Variants in ZNF366 observed in about 807,000 individuals in gnomAD.
The protein encoded by ZNF366 is zinc finger protein 366.
A neutral mutation model predicts 47.2 loss-of-function variants in ZNF366; 20 were observed. That is an observed-to-expected ratio of 0.42 (90% CI 0.30 to 0.62). The LOEUF is 0.62. Among genes scored for constraint, ZNF366 ranks in the 20% least tolerant of loss-of-function variants. The pLI, the probability that ZNF366 is intolerant of heterozygous loss-of-function variation, is 0.16. For synonymous variants in ZNF366, 421 were observed against 395.1 expected (o/e 1.07, Z -0.78); for missense variants, 987 against 976.3 (o/e 1.01, Z -0.15).
At chr5:72,469,447 G>A (rs937601596) in intron 1 of ZNF366, among the ~76,000 whole-genome samples, 1 of 152,160 alleles carries the variant, frequency 6.6e-6, no homozygotes, top group Non-Finnish European at 1.5e-5. Flanking sequence ...TCTAGCAATA[G>A]CCAAGGTGAC....
intron 1 of ZNF366, among the ~76,000 whole-genome samples, chr5:72,504,908 T>C (rs943788407): frequency 6.6e-6 from 1 of 152,202 alleles, no homozygotes; most frequent in Non-Finnish European, 1.5e-5. Context: ...AGCAGTTAAG[T>C]ACCTGCCCCG....
Position 72,460,974 on chromosome 5 carries a change from G to C in ZNF366, c.523C>G (p.Pro175Ala). ...CCCGGGTGGACTTTGGGGTAGTAGGGGTAGGGCGTGGGCAGGAATGGAGTG... is the reference window on the plus strand; with the variant it reads ...CCCGGGTGGACTTTGGGGTAGTAGGCGTAGGGCGTGGGCAGGAATGGAGTG... ...TPTPFLPTPY[P>A]YYPKVHPGLM... The change falls in exon 2 of 5, where the codon CCC becomes GCC. Residue 175 changes from proline (P) to alanine (A), a missense_variant. Coordinates refer to ENST00000318442, the MANE Select transcript of ZNF366 (RefSeq NM_152625.3). The C allele has an allele frequency of 6.2e-7, 1 of 1,613,754 alleles. No homozygotes were observed. The highest frequency in any genetic ancestry group is 8.5e-7 in the Non-Finnish European group (1 of 1,179,842).
intron 3 of ZNF366, among the ~76,000 whole-genome samples, chr5:72,454,217 C>G (rs1743134813): frequency 6.6e-6 from 1 of 152,178 alleles, no homozygotes; most frequent in African/African-American, 2.4e-5. Context: ...GGACCATGTA[C>G]ATGCACCATC....
chr5:72,467,769 C>T (rs1480749339), intron 1 of ZNF366, among the ~76,000 whole-genome samples: 1 of 152,190 alleles, frequency 6.6e-6, no homozygotes, highest in Non-Finnish European at 1.5e-5. Flanking sequence ...TTACATTTTA[C>T]TCCTGGAGGC....
At chr5:72,484,495 A>AAATAATAATAATAATAATAATAAT (rs60726077) in intron 1 of ZNF366, among the ~76,000 whole-genome samples, 1 of 145,818 alleles carries the variant, frequency 6.9e-6, no homozygotes, top group African/African-American at 2.6e-5. Flanking sequence ...AAAAAAAAAA[A>AAATAATAATAATAATAATAATAAT]AATAATAATA....
chr5:72,499,135 C>T (rs572595487), intron 1 of ZNF366, among the ~76,000 whole-genome samples: 4 of 152,302 alleles, frequency 2.6e-5, no homozygotes, highest in Admixed American at 2.0e-4. Flanking sequence ...GTCTCTATTC[C>T]TTCACAAACA....
chr5:72,462,547 C>CTTTT (rs71614477), intron 1 of ZNF366, among the ~76,000 whole-genome samples: 7 of 78,914 alleles, frequency 8.9e-5, no homozygotes, highest in African/African-American at 1.8e-4. Context: ...TTCTTTCTTT[C>CTTTT]TTTTTTTTTT....
At chr5:72,489,512 T>C (rs1465117827) in intron 1 of ZNF366, among the ~76,000 whole-genome samples, 1 of 152,210 alleles carries the variant, frequency 6.6e-6, no homozygotes, top group Middle Eastern at 3.2e-3. Context: ...ATGTACCTAA[T>C]AGGTAATGTG....
Position 72,443,829 on chromosome 5 carries a change from T to C in ZNF366, c.2162A>G (p.Lys721Arg). The C allele has an allele frequency of 6.2e-7, 1 of 1,614,210 alleles. No homozygotes were observed. Among genetic ancestry groups the C allele is most frequent in the Non-Finnish European group, 8.5e-7 (1 of 1,180,038 alleles). Residue 721 changes from lysine to arginine, a missense_variant, in exon 5 of 5, where the codon AAG becomes AGG. Coordinates refer to ENST00000318442, the MANE Select transcript of ZNF366 (RefSeq NM_152625.3). ...TTCTTTCAAACTCTCATCTCTGTGC[T>C]TGAAGTATAAGTAATCAGAAAAAGA... is the stretch of plus-strand genomic sequence containing the variant. ...GPSFSDYLYF[K>R]HRDESLKELL...
chr5:72,499,533 G>A (rs989814438), intron 1 of ZNF366, among the ~76,000 whole-genome samples: 4 of 117,934 alleles, frequency 3.4e-5, no homozygotes, highest in African/African-American at 1.4e-4. Context: ...CACCAACCCC[G>A]CCTTTATAGA....
At chr5:72,492,873 C>T (rs995349409) in intron 1 of ZNF366, among the ~76,000 whole-genome samples, 1 of 152,202 alleles carries the variant, frequency 6.6e-6, no homozygotes, top group Admixed American at 6.5e-5. Context: ...AAAGCCTTTA[C>T]TTCACATCAG....
At chr5:72,505,987 A>C (rs1744312148) in intron 1 of ZNF366, among the ~76,000 whole-genome samples, 1 of 152,254 alleles carries the variant, frequency 6.6e-6, no homozygotes, top group African/African-American at 2.4e-5. Context: ...AATGGAACAA[A>C]AGCTACATCA....
Position 72,447,226 on chromosome 5 carries a change from C to T in ZNF366, c.1699+17G>A, listed in dbSNP as rs767093262. The T allele has an allele frequency of 1.2e-6, 2 of 1,613,398 alleles. No individual in the cohort carries two copies. The highest frequency in any genetic ancestry group is 1.7e-6 in the Non-Finnish European group (2 of 1,179,612). On this transcript the variant is annotated intron_variant, in intron 4 of 4. Transcript: ENST00000318442. ...TCCACTGGACTGACTTGCAGGGCTT[C>T]CCAGAAGAGTGATTACCTTGGGAAT...
chr5:72,443,127 G>C lies in ZNF366; in HGVS notation c.*629C>G, dbSNP rs376206993. The C allele has an allele frequency of 2.0e-5, 3 of 152,308 alleles. No homozygotes were observed. The highest frequency in any genetic ancestry group is 2.9e-5 in the Non-Finnish European group (2 of 68,058). 9.4% of individuals were successfully genotyped at this position (152,308 alleles called of 1,614,324 possible). On this transcript the variant is annotated 3_prime_UTR_variant, in exon 5 of 5. Transcript: ENST00000318442. ...AATGCTCAATCTGATGAAGACAGCC[G>C]ACACAGAACAAGAGAATCTAAGTAT...
chr5:72,451,931 C>G (rs1409664200), intron 3 of ZNF366, among the ~76,000 whole-genome samples: 1 of 152,220 alleles, frequency 6.6e-6, no homozygotes, highest in Non-Finnish European at 1.5e-5. Context: ...GGTCCAGAGC[C>G]TGGAGGCACC....
In ZNF366 at chr5:72,456,602, G is replaced by A; in HGVS notation, c.1333-7C>T. ...ACTTATGCTCCTTCACACCCTGCAG[G>A]GAGGCAAGATTCAGAAAAGTGGTGA... On this transcript the variant is annotated splice_region_variant and splice_polypyrimidine_tract_variant and intron_variant, in intron 2 of 4. Transcript: ENST00000318442. The A allele has an allele frequency of 4.5e-6, 7 of 1,573,002 alleles. No individual in the cohort carries two copies. Among genetic ancestry groups the A allele is most frequent in the Non-Finnish European group, 6.1e-6 (7 of 1,149,456 alleles).
intron 1 of ZNF366, among the ~76,000 whole-genome samples, chr5:72,494,051 G>A (rs183004528): frequency 2.5e-4 from 38 of 151,656 alleles, no homozygotes; most frequent in African/African-American, 8.5e-4. Flanking sequence ...GATTACAGGA[G>A]TGAGCCCCTA....
intron 2 of ZNF366, among the ~76,000 whole-genome samples, chr5:72,459,518 A>G (rs1743258985): frequency 6.6e-6 from 1 of 152,184 alleles, no homozygotes; most frequent in African/African-American, 2.4e-5. Flanking sequence ...CTGAGCACAG[A>G]GAAGATCAAA....
At chr5:72,505,858 T>C (rs1356227600) in intron 1 of ZNF366, among the ~76,000 whole-genome samples, 1 of 152,224 alleles carries the variant, frequency 6.6e-6, no homozygotes, top group Non-Finnish European at 1.5e-5. Flanking sequence ...TCAATTGTTA[T>C]TAGAATAATT....
Sources: allele counts gnomAD v4.1 joint callset (sites outside exome capture counted in the v4.1 genomes callset), GRCh38; gene constraint gnomAD v4.1.1; transcripts MANE v1.5; gene names NCBI Gene and HGNC (gene_info 2026-07-23, HGNC 2026-07-21).